GFRA1: variants seen among roughly 807,000 people sequenced by gnomAD.
The protein encoded by GFRA1 is GDNF family receptor alpha-1.
Under a neutral mutation model 51.6 loss-of-function variants are expected in GFRA1, and 16 were observed. That is an observed-to-expected ratio of 0.31 (90% confidence interval 0.21 to 0.47). The LOEUF is 0.47. Among genes scored for constraint, GFRA1 ranks in the 20% least tolerant of loss-of-function variants. The pLI is 1.00. For missense variants in GFRA1, 530 were observed against 594.3 expected, an observed-to-expected ratio of 0.89 and a Z score of 1.13; for synonymous variants, 270 against 241.3, an observed-to-expected ratio of 1.12 and a Z score of -1.10.
intron 4 of GFRA1, among the ~76,000 whole-genome samples, chr10:116,239,990 T>C (rs1277120905): frequency 6.6e-6 from 1 of 152,086 alleles, no homozygotes; most frequent in Non-Finnish European, 1.5e-5. Context: ...CTTAACTGGA[T>C]CCAGGAAATC....
intron 4 of GFRA1, among the ~76,000 whole-genome samples, chr10:116,225,853 TG>T (rs1966260006): frequency 6.6e-6 from 1 of 152,080 alleles, no homozygotes; most frequent in Admixed American, 6.5e-5. Flanking sequence ...CCTCCCAAAG[TG>T]CTGGGATTAC....
intron 4 of GFRA1, among the ~76,000 whole-genome samples, chr10:116,223,068 T>G (rs952765995): frequency 1.3e-5 from 2 of 152,120 alleles, no homozygotes; most frequent in African/African-American, 4.8e-5. Context: ...CTGGAATCAA[T>G]AGCCCGTGGA....
chr10:116,113,550 C>T (rs1197707083), intron 6 of GFRA1, among the ~76,000 whole-genome samples: 2 of 152,168 alleles, frequency 1.3e-5, no homozygotes, highest in African/African-American at 2.4e-5. Flanking sequence ...AAGTCACCAC[C>T]GGTATCCAAT....
At chr10:116,196,373 C>T (rs1963748947) in intron 5 of GFRA1, among the ~76,000 whole-genome samples, 2 of 150,302 alleles carry the variant, frequency 1.3e-5, no homozygotes, top group African/African-American at 4.9e-5. Context: ...CCTGTAATCC[C>T]AGCTACTAGG....
rs971224838 is a variant in GFRA1, at chr10:116,242,485, A to AT, written c.418+27017dup. The stretch of plus-strand genomic sequence containing the variant: ...GAGAAGAGAAGGTATCCATAAAAAC[A>AT]TTTTTTTTTTTTTTGAGACAGAATC... On this transcript the variant is annotated intron_variant, in intron 4 of 10. Coordinates refer to ENST00000355422, the MANE Select transcript of GFRA1 (RefSeq NM_005264.8). Among the ~76,000 whole-genome samples the AT allele has an allele frequency of 9.9e-3, 1,433 of 144,710 alleles. 11 individuals are homozygous for AT. Among genetic ancestry groups the AT allele is most frequent in the African/African-American group, 0.024 (963 of 39,686 alleles). The allele number at this position is 144,710 out of a possible 152,430, so 94.9% of individuals were successfully genotyped here.
chr10:116,255,632 A>G, intron 4 of GFRA1: 1 of 1,288,906 alleles, frequency 7.8e-7, no homozygotes, highest in Non-Finnish European at 1.0e-6. Context: ...GTGTTAGCTC[A>G]CCTGGAATCC....
chr10:116,188,945 T>C (rs1033664075), intron 5 of GFRA1, among the ~76,000 whole-genome samples: 4 of 150,406 alleles, frequency 2.7e-5, no homozygotes, highest in African/African-American at 9.8e-5. Flanking sequence ...CAGTATTTAT[T>C]ATCACAATTT....
intron 6 of GFRA1, among the ~76,000 whole-genome samples, chr10:116,121,073 A>G (rs2134006020): frequency 6.6e-6 from 1 of 152,342 alleles, no homozygotes; most frequent in South Asian, 2.1e-4. Context: ...GTAATGAAGA[A>G]TAGCTGAGGT....
Position 116,092,866 on chromosome 10 carries a change from G to C in GFRA1, c.1015+836C>G, listed in dbSNP as rs530337301. Among the ~76,000 whole-genome samples, 261 of 152,244 alleles carry C rather than the reference G, an allele frequency of 1.7e-3. 1 individual carries two copies. Among genetic ancestry groups the C allele is most frequent in the Non-Finnish European group, 5.7e-4 (39 of 68,020 alleles). On this transcript the variant is annotated intron_variant, in intron 8 of 10. Coordinates refer to ENST00000355422, the MANE Select transcript of GFRA1 (RefSeq NM_005264.8). ...AATAAATGGCGGCTGCCACAGAGTG[G>C]GTTGCAATTTTCAAGTATCTCAGCT...
chr10:116,180,069 C>T (rs1438801170), intron 5 of GFRA1, among the ~76,000 whole-genome samples: 1 of 152,198 alleles, frequency 6.6e-6, no homozygotes, highest in Non-Finnish European at 1.5e-5. Flanking sequence ...CCTTAATAAT[C>T]ATTATTCCAA....
intron 5 of GFRA1, among the ~76,000 whole-genome samples, chr10:116,192,426 C>T (rs1457288411): frequency 6.6e-6 from 1 of 152,174 alleles, no homozygotes. Context: ...CTCCAGAAAA[C>T]CCATCTGAAT....
chr10:116,087,760 G>T (rs1404216945), intron 9 of GFRA1, among the ~76,000 whole-genome samples: 4 of 152,186 alleles, frequency 2.6e-5, no homozygotes, highest in Non-Finnish European at 5.9e-5. Context: ...AGGAAGCAGG[G>T]TGCAGAGCAC....
At chr10:116,263,865 G>A (rs934831202) in intron 4 of GFRA1, among the ~76,000 whole-genome samples, 3 of 152,202 alleles carry the variant, frequency 2.0e-5, no homozygotes, top group Non-Finnish European at 2.9e-5. Context: ...AGGACTTGGT[G>A]ATGGGTCAGG....
chr10:116,117,642 T>C (rs917695044), intron 6 of GFRA1, among the ~76,000 whole-genome samples: 3 of 151,500 alleles, frequency 2.0e-5, no homozygotes, highest in Middle Eastern at 3.2e-3. Flanking sequence ...AGTGGATGGA[T>C]TAATGGATGG....
chr10:116,091,584 A>G (rs935606348), intron 8 of GFRA1, among the ~76,000 whole-genome samples: 2 of 152,208 alleles, frequency 1.3e-5, no homozygotes, highest in African/African-American at 4.8e-5. Context: ...TGTCATGCAC[A>G]TGGCTTAAAA....
chr10:116,247,363 C>A (rs973985650), intron 4 of GFRA1, among the ~76,000 whole-genome samples: 1 of 152,188 alleles, frequency 6.6e-6, no homozygotes, highest in Non-Finnish European at 1.5e-5. Context: ...TCTCCTCTTG[C>A]CTATTTACAG....
intron 5 of GFRA1, among the ~76,000 whole-genome samples, chr10:116,162,523 C>T (rs1565619533): frequency 6.6e-6 from 1 of 152,194 alleles, no homozygotes; most frequent in Non-Finnish European, 1.5e-5. Flanking sequence ...CCTCACAGTC[C>T]ATTCCAAAGA....
At chr10:116,197,694 A>G (rs2134368837) in intron 5 of GFRA1, among the ~76,000 whole-genome samples, 1 of 152,264 alleles carries the variant, frequency 6.6e-6, no homozygotes, top group East Asian at 1.9e-4. Context: ...ATACAACTAA[A>G]CCCACTAGAA....
At chr10:116,149,956 G>A (rs966522287) in intron 5 of GFRA1, among the ~76,000 whole-genome samples, 6 of 152,174 alleles carry the variant, frequency 3.9e-5, no homozygotes, top group Non-Finnish European at 7.3e-5. Flanking sequence ...GAAGGCAGAT[G>A]CAGTTATATC....
Sources: gnomAD v4.1 joint callset for allele counts (sites outside exome capture counted in the v4.1 genomes callset) on GRCh38, gnomAD v4.1.1 for gene constraint, MANE v1.5 for transcripts, NCBI Gene and HGNC (gene_info 2026-07-23, HGNC 2026-07-21) for gene names.